Variants in CNTN1 observed in about 807,000 individuals in gnomAD.
CNTN1 encodes contactin 1.
In CNTN1, 38 loss-of-function variants were observed where a neutral mutation model predicts 126.4. The ratio of observed to expected loss-of-function variants is 0.30; its 90% CI spans 0.23 to 0.39. The LOEUF (loss-of-function observed/expected upper bound fraction) is 0.39. CNTN1 is among the 10% of genes least tolerant of loss of function. CNTN1 has a pLI of 1.00. For synonymous variants in CNTN1, 413 were observed against 422.6 expected (o/e 0.98, Z 0.28); for missense variants, 1,009 against 1,248.4 (o/e 0.81, Z 2.89).
intron 1 of CNTN1, among the ~76,000 whole-genome samples, chr12:40,830,420 CA>C (rs55996026): frequency 0.24 from 35,941 of 150,712 alleles, 4,794 homozygotes; most frequent in South Asian, 0.36. Flanking sequence ...GAATATATTA[CA>C]AAAATATATA....
At chr12:40,969,000 G>C (rs190327151) in intron 15 of CNTN1, among the ~76,000 whole-genome samples, 1 of 152,008 alleles carries the variant, frequency 6.6e-6, no homozygotes, top group African/African-American at 2.4e-5. Flanking sequence ...ATTTTAGCTC[G>C]TTTAAAATTA....
At chr12:40,863,922 TCCTTCCTC>T (rs1227416105) in intron 1 of CNTN1, among the ~76,000 whole-genome samples, 2 of 138,054 alleles carry the variant, frequency 1.4e-5, no homozygotes, top group Non-Finnish European at 3.0e-5. Flanking sequence ...CTTCCTTCCT[TCCTTCCTC>T]CCTCCCTCCC....
chr12:40,981,143 T>A, intron 16 of CNTN1, 76 bp downstream of exon 16: 1 of 1,476,302 alleles, frequency 6.8e-7, no homozygotes, highest in Non-Finnish European at 9.4e-7. Flanking sequence ...AATTTGGAGG[T>A]TTTAAAAATG....
At chr12:40,987,554 G>A (rs919605314) in intron 16 of CNTN1, among the ~76,000 whole-genome samples, 2 of 152,198 alleles carry the variant, frequency 1.3e-5, no homozygotes, top group East Asian at 3.9e-4. Context: ...ACATGAAGAG[G>A]CATAGTAACC....
chr12:40,744,725 G>T (rs1244020847), intron 1 of CNTN1, among the ~76,000 whole-genome samples: 1 of 152,126 alleles, frequency 6.6e-6, no homozygotes, highest in Non-Finnish European at 1.5e-5. Context: ...AAGGTGGAAA[G>T]AATTGTTTGT....
At chr12:40,861,749 C>T (rs529155683) in intron 1 of CNTN1, among the ~76,000 whole-genome samples, 3 of 152,228 alleles carry the variant, frequency 2.0e-5, no homozygotes, top group Non-Finnish European at 4.4e-5. Context: ...TTTGAGTTTA[C>T]AATATGTATC....
chr12:40,787,362 G>A (rs568565227), intron 1 of CNTN1, among the ~76,000 whole-genome samples: 134 of 152,222 alleles, frequency 8.8e-4, no homozygotes, highest in African/African-American at 3.0e-3. Flanking sequence ...TTGGGCACAC[G>A]GGGAAAAGTG....
intron 1 of CNTN1, among the ~76,000 whole-genome samples, chr12:40,818,204 T>C (rs969273972): frequency 6.6e-6 from 1 of 152,210 alleles, no homozygotes; most frequent in African/African-American, 2.4e-5. Flanking sequence ...TGAATTTGCA[T>C]GTTGGACTGT....
intron 1 of CNTN1, among the ~76,000 whole-genome samples, chr12:40,798,653 A>G (rs1940534407): frequency 6.6e-6 from 1 of 151,976 alleles, no homozygotes; most frequent in African/African-American, 2.4e-5. Context: ...AACACCAAAT[A>G]CTGCATGTTC....
intron 1 of CNTN1, among the ~76,000 whole-genome samples, chr12:40,775,202 G>C (rs1423201724): frequency 6.6e-6 from 1 of 151,312 alleles, no homozygotes; most frequent in Non-Finnish European, 1.5e-5. Context: ...ATATGGAGGA[G>C]AGATTTTAAA....
chr12:40,714,287 G>T (rs1941995617), intron 1 of CNTN1, among the ~76,000 whole-genome samples: 1 of 152,118 alleles, frequency 6.6e-6, no homozygotes, highest in Non-Finnish European at 1.5e-5. Flanking sequence ...GGAACAGTAT[G>T]TGTGTTTCTG....
At chr12:41,032,083 T>G (rs1438198213) in intron 23 of CNTN1, among the ~76,000 whole-genome samples, 1 of 152,176 alleles carries the variant, frequency 6.6e-6, no homozygotes, top group Admixed American at 6.5e-5. Context: ...AATACAGCAA[T>G]CACAGTTCAC....
At chr12:40,849,707 TATA>T (rs1279750491) in intron 1 of CNTN1, among the ~76,000 whole-genome samples, 1 of 152,108 alleles carries the variant, frequency 6.6e-6, no homozygotes, top group Non-Finnish European at 1.5e-5. Context: ...ATTGCTAATG[TATA>T]ATAATATATT....
chr12:40,695,926 A>G (rs1265930628), intron 1 of CNTN1, among the ~76,000 whole-genome samples: 1 of 152,068 alleles, frequency 6.6e-6, no homozygotes, highest in Non-Finnish European at 1.5e-5. Context: ...TTTCCTTTAC[A>G]CTTACCCTAT....
Position 40,768,948 on chromosome 12 carries a change from T to C in CNTN1, c.-77+76356T>C, listed in dbSNP as rs146045359. On this transcript the variant is annotated intron_variant, in intron 1 of 23. Transcript: ENST00000551295. Reference sequence around the variant, plus strand: ...ATTTTTATGTTATTGCATATGTTCATATATAAACATATATGTTTACATGTT... The same window carrying C: ...ATTTTTATGTTATTGCATATGTTCACATATAAACATATATGTTTACATGTT... Among the ~76,000 whole-genome samples the C allele has an allele frequency of 1.3e-3, 200 of 152,336 alleles. 1 individual carries two copies. The highest frequency in any genetic ancestry group is 4.5e-3 in the African/African-American group (189 of 41,578).
chr12:40,705,704 C>T (rs1429888323), intron 1 of CNTN1, among the ~76,000 whole-genome samples: 1 of 152,086 alleles, frequency 6.6e-6, no homozygotes, highest in Non-Finnish European at 1.5e-5. Context: ...TAACAAAATA[C>T]CTGAGACTGG....
At chr12:40,761,126 ATC>A (rs1407932264) in intron 1 of CNTN1, among the ~76,000 whole-genome samples, 1 of 152,114 alleles carries the variant, frequency 6.6e-6, no homozygotes, top group Non-Finnish European at 1.5e-5. Flanking sequence ...ACATGATAAA[ATC>A]TCTAAGTGAA....
chr12:41,039,899 C>A (rs1949358885), intron 23 of CNTN1, among the ~76,000 whole-genome samples: 1 of 152,110 alleles, frequency 6.6e-6, no homozygotes, highest in South Asian at 2.1e-4. Flanking sequence ...ATATTTTCAG[C>A]TGTTAGTAAC....
chr12:40,930,110 G>A, intron 7 of CNTN1, 108 bp downstream of exon 7: 2 of 940,218 alleles, frequency 2.1e-6, no homozygotes, highest in South Asian at 2.6e-5. Flanking sequence ...TTTTCAGGAA[G>A]GACAATATAA....
Sources: allele counts gnomAD v4.1 joint callset (sites outside exome capture counted in the v4.1 genomes callset), GRCh38; gene constraint gnomAD v4.1.1; transcripts MANE v1.5; gene names NCBI Gene and HGNC (gene_info 2026-07-23, HGNC 2026-07-21).